Variants in RAB28 observed in about 807,000 individuals in gnomAD.
The protein encoded by RAB28 is ras-related protein Rab-28.
Under a neutral mutation model 31.7 loss-of-function variants are expected in RAB28, and 24 were observed. That is an observed-to-expected ratio of 0.76 (90% CI 0.55 to 1.06). RAB28 has a LOEUF of 1.06. Among genes scored for constraint, RAB28 ranks in the 50% least tolerant of loss-of-function variants. RAB28 has a pLI of 0.00. For missense variants in RAB28, 254 were observed against 258.5 expected, an observed-to-expected ratio of 0.98 and a Z score of 0.12; for synonymous variants, 100 against 90.4, an observed-to-expected ratio of 1.11 and a Z score of -0.60.
At chr4:13,465,010 T>C (rs956411152) in intron 3 of RAB28, among the ~76,000 whole-genome samples, 5 of 151,072 alleles carry the variant, frequency 3.3e-5, no homozygotes, top group Admixed American at 6.6e-5. Context: ...ATAACAGAAA[T>C]AAAGAATGCC....
chr4:13,416,310 C>T (rs924484748), intron 4 of RAB28, among the ~76,000 whole-genome samples: 2 of 152,200 alleles, frequency 1.3e-5, no homozygotes, highest in East Asian at 1.9e-4. Flanking sequence ...TGCAGCTTCA[C>T]TCCTGAGCCA....
At chr4:13,407,159 A>T (rs1345247087) in intron 4 of RAB28, among the ~76,000 whole-genome samples, 2 of 152,220 alleles carry the variant, frequency 1.3e-5, no homozygotes, top group Non-Finnish European at 2.9e-5. Context: ...TTAAGTCTTT[A>T]ATCATTCTTG....
chr4:13,460,887 G>A, intron 3 of RAB28, 59 bp from the exon 4 acceptor site: 1 of 1,494,482 alleles, frequency 6.7e-7, no homozygotes, highest in Non-Finnish European at 9.2e-7. Flanking sequence ...AAATCTTAAT[G>A]AATACTTGCG....
At chr4:13,429,243 G>A (rs528697830) in intron 4 of RAB28, among the ~76,000 whole-genome samples, 1 of 152,112 alleles carries the variant, frequency 6.6e-6, no homozygotes, top group East Asian at 1.9e-4. Context: ...CACTGCGCCT[G>A]GCCAATTTCA....
intron 4 of RAB28, among the ~76,000 whole-genome samples, chr4:13,410,521 A>G (rs1712377129): frequency 6.6e-6 from 1 of 152,076 alleles, no homozygotes; most frequent in African/African-American, 2.4e-5. Context: ...TGCTTTCAAG[A>G]TAAGAGCTGC....
At position 13,368,212 on chromosome 4, in the gene RAB28, G is replaced by C; in HGVS notation, c.*346C>G. On this transcript the variant is annotated 3_prime_UTR_variant, in exon 7 of 7. Transcript: ENST00000330852. Reference sequence around the variant, plus strand: ...TTGCTGTGGCAAAATCCTGGCTGATGATCAAGACTTGGAGAGTTTTCATAT... The same window carrying C: ...TTGCTGTGGCAAAATCCTGGCTGATCATCAAGACTTGGAGAGTTTTCATAT... 2.0e-6 allele frequency: 2 copies of C among 995,498 alleles called. No individual in the cohort carries two copies. Among genetic ancestry groups the C allele is most frequent in the Non-Finnish European group, 2.4e-6 (2 of 836,812 alleles). 61.7% of individuals were successfully genotyped at this position (995,498 alleles called of 1,614,324 possible).
chr4:13,459,750 G>C, intron 4 of RAB28: 1 of 1,076,458 alleles, frequency 9.3e-7, no homozygotes, highest in Non-Finnish European at 1.1e-6. Context: ...AGAGACAGGA[G>C]CAAGAAACAA....
At chr4:13,451,554 CCTTT>C (rs1238115671) in intron 4 of RAB28, among the ~76,000 whole-genome samples, 2 of 151,408 alleles carry the variant, frequency 1.3e-5, no homozygotes, top group Non-Finnish European at 3.0e-5. Context: ...TTGGTTGTTT[CCTTT>C]GTCATTTAGA....
chr4:13,380,592 C>G (rs931797633), intron 5 of RAB28, among the ~76,000 whole-genome samples: 1 of 151,800 alleles, frequency 6.6e-6, no homozygotes, highest in African/African-American at 2.4e-5. Context: ...TGGGGCCTAC[C>G]AATTTGACAA....
intron 4 of RAB28, among the ~76,000 whole-genome samples, chr4:13,460,431 G>C (rs948049096): frequency 1.3e-5 from 2 of 152,060 alleles, no homozygotes; most frequent in Admixed American, 1.3e-4. Flanking sequence ...GGCCAGGTTT[G>C]TCCGAAACTC....
intron 4 of RAB28, among the ~76,000 whole-genome samples, chr4:13,454,233 A>G (rs200124120): frequency 6.6e-6 from 1 of 152,110 alleles, no homozygotes; most frequent in East Asian, 1.9e-4. Context: ...CATTCATATC[A>G]TGAATTATTT....
intron 4 of RAB28, among the ~76,000 whole-genome samples, chr4:13,456,278 T>C (rs1425981265): frequency 1.3e-5 from 2 of 152,220 alleles, no homozygotes; most frequent in Non-Finnish European, 2.9e-5. Flanking sequence ...AATAAACATT[T>C]TCTCCAGGAA....
intron 4 of RAB28, among the ~76,000 whole-genome samples, chr4:13,459,078 G>A (rs1007665543): frequency 7.2e-5 from 11 of 152,222 alleles, no homozygotes; most frequent in African/African-American, 2.2e-4. Flanking sequence ...TGAGTCTTCC[G>A]GCCTCCATCT....
chr4:13,381,589 A>C lies in RAB28; in HGVS notation c.397T>G (p.Leu133Val), dbSNP rs765483171. The C allele has an allele frequency of 6.2e-7, 1 of 1,609,448 alleles. No individual in the cohort carries two copies. Among genetic ancestry groups the C allele is most frequent in the Non-Finnish European group, 8.5e-7 (1 of 1,177,306 alleles). Reference protein sequence around the residue: ...LVALVGNKIDLEHMRTIKPEK... With the variant: ...LVALVGNKIDVEHMRTIKPEK... ...GGTTTTATTGTTCGCATATGCTCCA[A>C]ATCAACTAGAAAGGTGTTAAAGAAA... The change falls in exon 5 of 7, where the codon TTG (leucine) becomes GTG (valine). Residue 133 changes from leucine to valine, a missense_variant. Transcript: ENST00000330852.
At chr4:13,370,898 T>G in intron 6 of RAB28, 1 of 961,676 alleles carries the variant, frequency 1.0e-6, no homozygotes, top group African/African-American at 1.8e-5. Flanking sequence ...GCTGCTACCC[T>G]TAGGATAAAA....
At chr4:13,475,367 G>C (rs1560147351) in intron 2 of RAB28, among the ~76,000 whole-genome samples, 2 of 151,398 alleles carry the variant, frequency 1.3e-5, no homozygotes, top group East Asian at 3.9e-4. Context: ...GTTTCAATTA[G>C]CACTTTTTGA....
intron 4 of RAB28, among the ~76,000 whole-genome samples, chr4:13,452,861 G>A (rs1715046187): frequency 6.6e-6 from 1 of 152,026 alleles, no homozygotes; most frequent in African/African-American, 2.4e-5. Context: ...CCAATGCTGA[G>A]AGTAGGGTGC....
chr4:13,428,659 A>C (rs532281624), intron 4 of RAB28, among the ~76,000 whole-genome samples: 5 of 152,202 alleles, frequency 3.3e-5, no homozygotes, highest in Non-Finnish European at 7.3e-5. Flanking sequence ...AAATTGTCAA[A>C]GCCTCAAAAA....
intron 3 of RAB28, among the ~76,000 whole-genome samples, chr4:13,467,294 G>A (rs1000093737): frequency 2.4e-4 from 36 of 151,176 alleles, no homozygotes; most frequent in African/African-American, 8.0e-4. Context: ...AAATATAACC[G>A]ATTATAAACT....
Sources: gnomAD v4.1 joint callset for allele counts (sites outside exome capture counted in the v4.1 genomes callset) on GRCh38, gnomAD v4.1.1 for gene constraint, MANE v1.5 for transcripts, NCBI Gene and HGNC (gene_info 2026-07-23, HGNC 2026-07-21) for gene names.